The following LRRC4C variants were observed in gnomAD, a reference collection of about 807,000 sequenced individuals.
LRRC4C encodes leucine-rich repeat-containing protein 4C.
LRRC4C carries 5 observed loss-of-function variants against 33.6 expected under a neutral mutation model. The ratio of observed to expected loss-of-function variants is 0.15; its 90% CI spans 0.08 to 0.31. LRRC4C has a LOEUF of 0.31. LRRC4C is among the 10% of genes least tolerant of loss of function. The pLI, the probability that LRRC4C is intolerant of heterozygous loss-of-function variation, is 1.00. For synonymous variants in LRRC4C, 329 were observed against 302.0 expected (o/e 1.09, Z -0.93); for missense variants, 560 against 796.7 (o/e 0.70, Z 3.58).
intron 1 of LRRC4C, among the ~76,000 whole-genome samples, chr11:41,033,060 A>C (rs1361707947): frequency 1.3e-5 from 2 of 151,962 alleles, no homozygotes; most frequent in African/African-American, 2.4e-5. Flanking sequence ...TTACATACTT[A>C]ATTGTTAGTC....
At chr11:40,493,113 A>C (rs147558578) in intron 3 of LRRC4C, among the ~76,000 whole-genome samples, 3,122 of 151,632 alleles carry the variant, frequency 0.021, 83 homozygotes, top group Admixed American at 0.088. Flanking sequence ...ATGGTTGGAT[A>C]TATAGATAAT....
At chr11:40,399,111 G>A (rs1332077289) in intron 3 of LRRC4C, among the ~76,000 whole-genome samples, 1 of 152,062 alleles carries the variant, frequency 6.6e-6, no homozygotes, top group Non-Finnish European at 1.5e-5. Context: ...CAATAGCAAG[G>A]ATGGTAGAAG....
chr11:41,362,121 A>C (rs1330994979), intron 1 of LRRC4C, among the ~76,000 whole-genome samples: 1 of 152,172 alleles, frequency 6.6e-6, no homozygotes, highest in Non-Finnish European at 1.5e-5. Flanking sequence ...GGACAAAAAG[A>C]TTCCTCACTC....
chr11:40,345,793 C>A (rs1398021090), intron 3 of LRRC4C, among the ~76,000 whole-genome samples: 3 of 152,024 alleles, frequency 2.0e-5, no homozygotes, highest in Non-Finnish European at 4.4e-5. Context: ...ATTTTGCAAA[C>A]TATGTATTGG....
chr11:40,595,128 C>T (rs1959202552), intron 3 of LRRC4C, among the ~76,000 whole-genome samples: 1 of 151,770 alleles, frequency 6.6e-6, no homozygotes, highest in Non-Finnish European at 1.5e-5. Flanking sequence ...TTAAATTGAA[C>T]TCTAGGATAC....
chr11:40,527,084 T>C (rs1303264961), intron 3 of LRRC4C, among the ~76,000 whole-genome samples: 2 of 152,140 alleles, frequency 1.3e-5, no homozygotes, highest in Non-Finnish European at 2.9e-5. Context: ...TTTATCCTGA[T>C]AGAGATCAAT....
chr11:41,021,931 C>T (rs1032781201), intron 1 of LRRC4C, among the ~76,000 whole-genome samples: 20 of 151,898 alleles, frequency 1.3e-4, no homozygotes, highest in African/African-American at 4.3e-4. Flanking sequence ...GGCTTCCTTG[C>T]GTCAATACTT....
At chr11:41,391,166 T>G (rs1376967790) in intron 1 of LRRC4C, among the ~76,000 whole-genome samples, 2 of 151,888 alleles carry the variant, frequency 1.3e-5, no homozygotes, top group Non-Finnish European at 2.9e-5. Flanking sequence ...ATTATAAATT[T>G]GGTTTAAGGT....
intron 1 of LRRC4C, among the ~76,000 whole-genome samples, chr11:41,230,965 A>T (rs916612054): frequency 6.6e-6 from 1 of 152,052 alleles, no homozygotes; most frequent in African/African-American, 2.4e-5. Flanking sequence ...ATATGAACAG[A>T]CACTTCTCAA....
chr11:40,681,589 T>C (rs1330834734), intron 2 of LRRC4C, among the ~76,000 whole-genome samples: 1 of 152,034 alleles, frequency 6.6e-6, no homozygotes, highest in African/African-American at 2.4e-5. Flanking sequence ...GAGAAGGAGT[T>C]TAATAAATAT....
At chr11:41,382,887 A>T (rs1380792300) in intron 1 of LRRC4C, among the ~76,000 whole-genome samples, 1 of 152,080 alleles carries the variant, frequency 6.6e-6, no homozygotes, top group East Asian at 1.9e-4. Flanking sequence ...TGCCTCACAG[A>T]TCTGCATTAC....
chr11:40,427,725 G>T (rs1950769031), intron 3 of LRRC4C, among the ~76,000 whole-genome samples: 1 of 152,094 alleles, frequency 6.6e-6, no homozygotes, highest in Non-Finnish European at 1.5e-5. Context: ...AGCTATTTGG[G>T]AGGCTGAGGT....
chr11:40,707,813 T>A (rs568690615), intron 2 of LRRC4C, among the ~76,000 whole-genome samples: 13 of 152,168 alleles, frequency 8.5e-5, no homozygotes, highest in Admixed American at 8.5e-4. Context: ...ACCTCTGGTA[T>A]AATTCGGCTG....
chr11:40,176,930 CTTTTTTTTT>C (rs36015905), intron 5 of LRRC4C, among the ~76,000 whole-genome samples: 3 of 82,646 alleles, frequency 3.6e-5, no homozygotes, highest in African/African-American at 1.5e-4. Context: ...CTGCCAGAGT[CTTTTTTTTT>C]TTTTTTTTTT....
chr11:40,680,468 C>T (rs1050680986), intron 2 of LRRC4C, among the ~76,000 whole-genome samples: 6 of 152,140 alleles, frequency 3.9e-5, no homozygotes, highest in African/African-American at 7.2e-5. Context: ...AATCTTGTAG[C>T]TCCCATAAGT....
At chr11:40,596,245 G>A (rs569392324) in intron 3 of LRRC4C, among the ~76,000 whole-genome samples, 28 of 152,248 alleles carry the variant, frequency 1.8e-4, no homozygotes, top group African/African-American at 5.8e-4. Context: ...ATTCCAGCAA[G>A]AGAGAAATTC....
chr11:40,400,889 G>A (rs1036217487), intron 3 of LRRC4C, among the ~76,000 whole-genome samples: 7 of 152,028 alleles, frequency 4.6e-5, no homozygotes, highest in African/African-American at 1.7e-4. Context: ...CACTATATTG[G>A]CCCAGATTTC....
At chr11:41,027,403 G>A (rs1661255564) in intron 1 of LRRC4C, among the ~76,000 whole-genome samples, 1 of 151,498 alleles carries the variant, frequency 6.6e-6, no homozygotes, top group Non-Finnish European at 1.5e-5. Flanking sequence ...ACTCTGATGA[G>A]CAATTAAAAT....
intron 5 of LRRC4C, among the ~76,000 whole-genome samples, chr11:40,218,669 A>G (rs1483881192): frequency 9.7e-6 from 1 of 103,254 alleles, no homozygotes; most frequent in African/African-American, 2.9e-5. Flanking sequence ...ATTGCCATAA[A>G]GAATGGCTAA....
Sources: gnomAD v4.1 joint callset for allele counts (sites outside exome capture counted in the v4.1 genomes callset) on GRCh38, gnomAD v4.1.1 for gene constraint, MANE v1.5 for transcripts, NCBI Gene and HGNC (gene_info 2026-07-23, HGNC 2026-07-21) for gene names.